The following ECHDC1 variants were observed in gnomAD, a reference collection of about 807,000 sequenced individuals.
ECHDC1 encodes ethylmalonyl-CoA decarboxylase.
In ECHDC1, 29 loss-of-function variants were observed where a neutral mutation model predicts 29.7. That is an observed-to-expected ratio of 0.98 (90% CI 0.73 to 1.33). The LOEUF is 1.33. Ranked by LOEUF, ECHDC1 falls within the 40% of genes most tolerant of loss-of-function variation. The pLI is 0.00. For missense variants in ECHDC1, 328 were observed against 350.0 expected (o/e 0.94, Z 0.50); for synonymous variants, 126 against 123.1 (o/e 1.02, Z -0.15).
At chr6:127,326,517 TA>T in intron 3 of ECHDC1, 2 of 455,108 alleles carry the variant, frequency 4.4e-6, no homozygotes, top group South Asian at 1.6e-5. Flanking sequence ...AAGATGTTAA[TA>T]AAAGGGGAAA....
At chr6:127,314,031 G>A (rs1039134920) in intron 5 of ECHDC1, among the ~76,000 whole-genome samples, 1 of 152,116 alleles carries the variant, frequency 6.6e-6, no homozygotes, top group Non-Finnish European at 1.5e-5. Flanking sequence ...TCTACTAGAC[G>A]TCAGTGCTCA....
At chr6:127,331,798 A>T in intron 1 of ECHDC1, 5 of 982,636 alleles carry the variant, frequency 5.1e-6, no homozygotes, top group Non-Finnish European at 6.0e-6. Context: ...CCCACTCTCT[A>T]ACAGAAGTTT....
chr6:127,310,496 T>C (rs1781815157), intron 5 of ECHDC1, among the ~76,000 whole-genome samples: 1 of 152,138 alleles, frequency 6.6e-6, no homozygotes. Context: ...GCAGATGTGA[T>C]GGAAGTAGCA....
Position 127,319,056 on chromosome 6 carries a change from A to G in ECHDC1, c.364-2554T>C, listed in dbSNP as rs113492007. On this transcript the variant is annotated intron_variant, in intron 3 of 5. Transcript: ENST00000454859. ...TACATTTAGATTACATAAAATTCCA[A>G]TGAAGTATCTAGAATTGGTAGAAAT... 9.2e-5 allele frequency among the ~76,000 whole-genome samples: 14 copies of G among 152,358 alleles called. 1 individual carries two copies. The highest frequency in any genetic ancestry group is 3.4e-4 in the African/African-American group (14 of 41,586).
intron 3 of ECHDC1, among the ~76,000 whole-genome samples, chr6:127,323,238 T>C (rs1194723673): frequency 6.6e-6 from 1 of 152,118 alleles, no homozygotes; most frequent in Non-Finnish European, 1.5e-5. Context: ...ATACTTCTAG[T>C]TCCAAGCATT....
intron 3 of ECHDC1, among the ~76,000 whole-genome samples, chr6:127,318,605 A>G (rs1203344957): frequency 2.0e-5 from 3 of 152,322 alleles, no homozygotes; most frequent in Non-Finnish European, 4.4e-5. Context: ...ATTCATTTCA[A>G]TTGGGATGGG....
intron 5 of ECHDC1, among the ~76,000 whole-genome samples, chr6:127,301,730 G>A (rs144775552): frequency 2.0e-5 from 3 of 152,310 alleles, no homozygotes; most frequent in South Asian, 2.1e-4. Context: ...TAAAAGGGCT[G>A]AGTAGCCTAG....
chr6:127,297,542 A>G (rs1466170223), intron 5 of ECHDC1, among the ~76,000 whole-genome samples: 2 of 152,250 alleles, frequency 1.3e-5, no homozygotes, highest in Admixed American at 6.5e-5. Context: ...CTGCAACTAC[A>G]CTAATAAGAA....
Position 127,330,940 on chromosome 6 carries a change from T to G in ECHDC1, c.89A>C (p.His30Pro), listed in dbSNP as rs773683209. The G allele has an allele frequency of 5.0e-6, 8 of 1,614,016 alleles. No individual in the cohort carries two copies. The highest frequency in any genetic ancestry group is 6.8e-6 in the Non-Finnish European group (8 of 1,180,034). ...QTGLSLYSTS[H>P]GFYEEEVKKT... ...TTTCACTTCTTCCTCATAAAATCCA[T>G]GGGATGTACTATAAAGTGACAATCC... Residue 30 changes from histidine (H) to proline (P), a missense_variant, in exon 2 of 6, where the codon CAT (histidine) becomes CCT (proline). Physicochemically the swap from His to Pro is moderately conservative, Grantham distance 77. Transcript: ENST00000454859.
At chr6:127,335,184 G>A (rs753407242) in intron 1 of ECHDC1, among the ~76,000 whole-genome samples, 8 of 152,050 alleles carry the variant, frequency 5.3e-5, no homozygotes, top group Non-Finnish European at 1.0e-4. Context: ...AAGTCACATG[G>A]CCTTCAAGTG....
chr6:127,338,863 T>A (rs892840028), intron 1 of ECHDC1, among the ~76,000 whole-genome samples: 3 of 152,222 alleles, frequency 2.0e-5, no homozygotes, highest in Admixed American at 1.3e-4. Context: ...TAACCAGTAC[T>A]GAAAAAGTTA....
chr6:127,295,904 C>T (rs1780557055), intron 5 of ECHDC1, among the ~76,000 whole-genome samples: 1 of 152,104 alleles, frequency 6.6e-6, no homozygotes, highest in Admixed American at 6.5e-5. Context: ...CAGGTGTTAC[C>T]TCAAATCACT....
chr6:127,292,285 A>G (rs760632572), intron 5 of ECHDC1, among the ~76,000 whole-genome samples: 1 of 152,094 alleles, frequency 6.6e-6, no homozygotes, highest in Non-Finnish European at 1.5e-5. Context: ...GTTATTACCT[A>G]TGTAAGCACA....
intron 1 of ECHDC1, among the ~76,000 whole-genome samples, chr6:127,337,812 A>G (rs993629300): frequency 6.6e-6 from 1 of 152,036 alleles, no homozygotes; most frequent in African/African-American, 2.4e-5. Flanking sequence ...TTTCTGTTTC[A>G]CCTCCCCTTT....
intron 5 of ECHDC1, among the ~76,000 whole-genome samples, chr6:127,294,935 T>C (rs1456062043): frequency 6.6e-6 from 1 of 151,862 alleles, no homozygotes. Context: ...TGTAATATTG[T>C]ACTTTATGAA....
chr6:127,327,010 T>C lies in ECHDC1; in HGVS notation c.355A>G (p.Thr119Ala), dbSNP rs757359112. ...ATTCATATAACACTTGCCTCTGGAG[T>C]TCCTAGTGATTTCACAGCATTCAGA... The part of the protein sequence containing the change: ...SDLNAVKSLG[T>A]PEDGMAVCMF... The change falls in exon 3 of 6, where the codon ACT (threonine) becomes GCT (alanine). Residue 119 changes from threonine to alanine, a missense_variant. By Grantham distance (58) the Thr-to-Ala change is moderately conservative. Coordinates refer to ENST00000454859, the MANE Select transcript of ECHDC1 (RefSeq NM_001002030.2). The C allele has an allele frequency of 3.1e-6, 5 of 1,613,114 alleles. No individual in the cohort carries two copies. The highest frequency in any genetic ancestry group is 4.2e-6 in the Non-Finnish European group (5 of 1,179,586).
At chr6:127,318,704 C>T (rs1354342511) in intron 3 of ECHDC1, among the ~76,000 whole-genome samples, 1 of 152,120 alleles carries the variant, frequency 6.6e-6, no homozygotes, top group African/African-American at 2.4e-5. Flanking sequence ...AGTATGCCTT[C>T]CCCCTCCTCA....
intron 3 of ECHDC1, among the ~76,000 whole-genome samples, chr6:127,321,800 C>A (rs990238487): frequency 6.6e-6 from 1 of 151,096 alleles, no homozygotes; most frequent in Non-Finnish European, 1.5e-5. Context: ...GTCAGGAGTT[C>A]GAGACCAGCC....
At position 127,289,728 on chromosome 6, in the gene ECHDC1, G is replaced by C; in HGVS notation, c.*141C>G. Reference sequence around the variant, plus strand: ...GCAAGAAATGAGGTAAATGAGTTCAGATATTCAAATGATTAAAAGTAAGTC... The same window carrying C: ...GCAAGAAATGAGGTAAATGAGTTCACATATTCAAATGATTAAAAGTAAGTC... On this transcript the variant is annotated 3_prime_UTR_variant, in exon 6 of 6. Coordinates refer to ENST00000454859, the MANE Select transcript of ECHDC1 (RefSeq NM_001002030.2). The C allele has an allele frequency of 1.2e-6, 1 of 864,696 alleles. No homozygotes were observed. The highest frequency in any genetic ancestry group is 1.7e-6 in the Non-Finnish European group (1 of 588,866). 53.6% of individuals were successfully genotyped at this position (864,696 alleles called of 1,614,324 possible). A position where few individuals can be genotyped will look rare whatever the true frequency, so the allele number is the denominator to read the frequency against.
Sources: allele counts gnomAD v4.1 joint callset (sites outside exome capture counted in the v4.1 genomes callset), GRCh38; gene constraint gnomAD v4.1.1; transcripts MANE v1.5; gene names NCBI Gene and HGNC (gene_info 2026-07-23, HGNC 2026-07-21).